RILPL2: variants seen among roughly 807,000 people sequenced by gnomAD.
The protein encoded by RILPL2 is RILP-like protein 2.
Under a neutral mutation model 22.2 loss-of-function variants are expected in RILPL2, and 19 were observed. The observed-to-expected ratio is 0.86, with a 90% confidence interval of 0.60 to 1.25. The LOEUF (loss-of-function observed/expected upper bound fraction) is 1.25. Among genes scored for constraint, RILPL2 ranks in the 50% most tolerant of loss-of-function variants. The probability of loss-of-function intolerance (pLI) is 0.00; values close to 1 mark genes in which losing one functional copy is unlikely to be tolerated. For synonymous variants in RILPL2, 123 were observed against 111.6 expected, an observed-to-expected ratio of 1.10 and a Z score of -0.64; for missense variants, 243 against 263.6, an observed-to-expected ratio of 0.92 and a Z score of 0.54.
Position 123,415,931 on chromosome 12 carries a change from A to C in RILPL2, c.606-10T>G, listed in dbSNP as rs774379400. 1 of 1,608,558 alleles carries C rather than the reference A, an allele frequency of 6.2e-7. No homozygotes were observed. Among genetic ancestry groups the C allele is most frequent in the African/African-American group, 1.3e-5 (1 of 74,810 alleles). ...CGATCGAAAAAAGAACCTGGTGTGG[A>C]GAGAGAGAGGGTTCAGGGTAAGCAG... On this transcript the variant is annotated splice_polypyrimidine_tract_variant and intron_variant, in intron 3 of 3. Coordinates refer to ENST00000280571, the MANE Select transcript of RILPL2 (RefSeq NM_145058.3).
At chr12:123,416,277 T>C (rs1593486144) in intron 3 of RILPL2, among the ~76,000 whole-genome samples, 1 of 151,900 alleles carries the variant, frequency 6.6e-6, no homozygotes, top group Admixed American at 6.6e-5. Flanking sequence ...TGAGCCGAGA[T>C]TGCGCCACTG....
intron 3 of RILPL2, among the ~76,000 whole-genome samples, chr12:123,419,584 G>A (rs559565332): frequency 6.6e-6 from 1 of 151,154 alleles, no homozygotes; most frequent in African/African-American, 2.4e-5. Flanking sequence ...TGGTTATCAA[G>A]AGGATATTGA....
chr12:123,436,013 C>G lies in RILPL2; in HGVS notation c.339+69G>C. The G allele has an allele frequency of 1.3e-6, 2 of 1,499,400 alleles. No individual in the cohort carries two copies. The highest frequency in any genetic ancestry group is 1.8e-6 in the Non-Finnish European group (2 of 1,124,942). 92.9% of individuals were successfully genotyped at this position (1,499,400 alleles called of 1,614,324 possible). A position where few individuals can be genotyped will look rare whatever the true frequency, so the allele number is the denominator to read the frequency against. ...AAGAGAAAAGAAAAGGAAGGCGTCT[C>G]CCTGCCAGTAGGTGCCCTCCTACGC... is the stretch of plus-strand genomic sequence containing the variant. On this transcript the variant is annotated intron_variant, in intron 1 of 3. Coordinates refer to ENST00000280571, the MANE Select transcript of RILPL2 (RefSeq NM_145058.3). The surrounding 1 kb of genome is among the most constrained non-coding windows in gnomAD (Gnocchi z 6.7).
intron 2 of RILPL2, among the ~76,000 whole-genome samples, chr12:123,427,737 G>A (rs1879482046): frequency 6.6e-6 from 1 of 152,070 alleles, no homozygotes; most frequent in African/African-American, 2.4e-5. Flanking sequence ...TAGAGACGGA[G>A]TTTCACCATG....
At chr12:123,423,020 G>A (rs368034844) in intron 3 of RILPL2, 24 bp downstream of exon 3, 9 of 1,512,590 alleles carry the variant, frequency 6.0e-6, no homozygotes, top group East Asian at 2.3e-5. Context: ...TGGCGGGACC[G>A]GGGGGCAGCA....
At chr12:123,419,391 C>T (rs938444934) in intron 3 of RILPL2, among the ~76,000 whole-genome samples, 2 of 152,024 alleles carry the variant, frequency 1.3e-5, no homozygotes, top group Admixed American at 6.6e-5. Context: ...AGGCAGCATC[C>T]GAAGAACTAT....
In RILPL2 at chr12:123,415,278, G is replaced by C. The variant is rs1269498391; in HGVS notation, c.*613C>G. 6.5e-6 allele frequency: 1 copy of C among 152,772 alleles called. No homozygotes were observed. The highest frequency in any genetic ancestry group is 6.5e-5 in the Admixed American group (1 of 15,294). The allele number at this position is 152,772 out of a possible 1,614,324, so 9.5% of individuals were successfully genotyped here. On this transcript the variant is annotated 3_prime_UTR_variant, in exon 4 of 4. Coordinates refer to ENST00000280571, the MANE Select transcript of RILPL2 (RefSeq NM_145058.3). ...ACACCAGATAATCGTGCATCGCTTA[G>C]ACTGAATGAATGCAATTGATTCATT...
chr12:123,431,545 C>T (rs544229537), intron 1 of RILPL2, among the ~76,000 whole-genome samples: 31 of 152,094 alleles, frequency 2.0e-4, no homozygotes, highest in Non-Finnish European at 4.1e-4. Flanking sequence ...TAAGATGGGC[C>T]GGGCACGGTG....
chr12:123,418,756 C>CTTT (rs1202023726), intron 3 of RILPL2, among the ~76,000 whole-genome samples: 484 of 95,974 alleles, frequency 5.0e-3, no homozygotes, highest in Non-Finnish European at 6.5e-3. Flanking sequence ...CTTTTTCTTT[C>CTTT]TTTTTTTTTT....
rs765006523 is a variant in RILPL2 at position 123,430,580 on chromosome 12, T to A, written c.419A>T (p.Asp140Val). Residue 140 changes from aspartate to valine, a missense_variant, in exon 2 of 4, where the codon GAT becomes GTT. By Grantham distance (152) the Asp-to-Val change is radical (BLOSUM62 -3). Transcript: ENST00000280571. The stretch of plus-strand genomic sequence containing the variant: ...GAGTTTGTTGCGTTCCTGCAGCACA[T>A]CCCTTAGCTCCTGCAGAGTGAAGCG... ...RPRFTLQELR[D>V]VLQERNKLKS... 1.2e-6 allele frequency: 2 copies of A among 1,612,984 alleles called. No individual in the cohort carries two copies. Among genetic ancestry groups the A allele is most frequent in the Non-Finnish European group, 1.7e-6 (2 of 1,179,324 alleles).
chr12:123,436,275 C>A lies in RILPL2; in HGVS notation c.146G>T (p.Gly49Val), dbSNP rs1466483699. Residue 49 changes from glycine (G) to valine (V), a missense_variant, in exon 1 of 4, where the codon GGC becomes GTC. Physicochemically the swap from Gly to Val is moderately radical, Grantham distance 109. Coordinates refer to ENST00000280571, the MANE Select transcript of RILPL2 (RefSeq NM_145058.3). This position sits in a 1 kb window ranked among gnomAD's most constrained non-coding sequence, Gnocchi z 6.7. ...GCTGCCCAGGGCCATAAGCTCGCGG[C>A]CCAACAGGTAGGAGATGTCATACAC... ...EDVYDISYLL[G>V]RELMALGSDP... The A allele has an allele frequency of 1.9e-6, 3 of 1,608,346 alleles. No individual in the cohort carries two copies. The East Asian group carries it at 6.7e-5, about 36-fold the overall frequency.
At position 123,435,869 on chromosome 12, in the gene RILPL2, TG is replaced by T. The variant is rs376376024; in HGVS notation, c.339+212del. The stretch of plus-strand genomic sequence containing the variant: ...CTGGCCAGGCAGGGTGGCTCACACC[TG>T]TAAACCCAGCACTCTAGGAGGCTGA... On this transcript the variant is annotated intron_variant, in intron 1 of 3. Transcript: ENST00000280571. Among the ~76,000 whole-genome samples the T allele has an allele frequency of 2.1e-4, 32 of 151,620 alleles. No homozygotes were observed. The South Asian group carries it at 5.7e-3, about 27-fold the overall frequency.
intron 1 of RILPL2, among the ~76,000 whole-genome samples, chr12:123,432,869 T>C (rs1879690784): frequency 2.0e-5 from 3 of 152,160 alleles, no homozygotes; most frequent in African/African-American, 7.2e-5. Context: ...ACCATGTCAC[T>C]TGACAGACAC....
intron 2 of RILPL2, among the ~76,000 whole-genome samples, chr12:123,429,442 C>T (rs1022886866): frequency 1.4e-5 from 2 of 148,042 alleles, no homozygotes; most frequent in African/African-American, 5.0e-5. Context: ...ATTACAGGCG[C>T]CCGCCACCAC....
At chr12:123,430,765 T>C in intron 1 of RILPL2, 106 bp from the exon 2 acceptor site, 6 of 899,560 alleles carry the variant, frequency 6.7e-6, no homozygotes, top group African/African-American at 1.8e-5. Context: ...TGGAGTGCCA[T>C]GGCACAATCT....
intron 2 of RILPL2, among the ~76,000 whole-genome samples, chr12:123,426,804 G>A (rs763562834): frequency 2.6e-4 from 39 of 151,726 alleles, no homozygotes; most frequent in Admixed American, 4.6e-4. Flanking sequence ...GGGTTTCACT[G>A]TGTTAGCCAG....
chr12:123,430,622 G>A lies in RILPL2; in HGVS notation c.377C>T (p.Thr126Ile), dbSNP rs780077202. The stretch of plus-strand genomic sequence containing the variant: ...AGTGAAGCGGGGTCGGTTGGGATCT[G>A]TCAGGTCAACCACCATTTTGTTTGG... ...LGPNKMVVDL[T>I]DPNRPRFTLQ... The change falls in exon 2 of 4, where the codon ACA (threonine) becomes ATA (isoleucine). Residue 126 changes from threonine to isoleucine, a missense_variant. Transcript: ENST00000280571. 14 of 1,607,100 alleles carry A rather than the reference G, an allele frequency of 8.7e-6. No homozygotes were observed. The African/African-American group carries it at 1.6e-4, about 18-fold the overall frequency.
chr12:123,420,717 G>A (rs939964460), intron 3 of RILPL2, among the ~76,000 whole-genome samples: 11 of 151,886 alleles, frequency 7.2e-5, no homozygotes, highest in Admixed American at 4.6e-4. Context: ...GTTTACAGGC[G>A]TCAGCCACTG....
intron 3 of RILPL2, among the ~76,000 whole-genome samples, chr12:123,417,678 A>G (rs985471381): frequency 3.3e-5 from 5 of 152,108 alleles, no homozygotes; most frequent in African/African-American, 1.2e-4. Context: ...TCCGCCTACC[A>G]GAGTTCAAGC....
Sources: gnomAD v4.1 joint callset for allele counts (sites outside exome capture counted in the v4.1 genomes callset) on GRCh38, gnomAD v4.1.1 for gene constraint, Gnocchi (gnomAD v3.1) non-coding constraint, MANE v1.5 for transcripts, NCBI Gene and HGNC (gene_info 2026-07-23, HGNC 2026-07-21) for gene names.